The following NFIA variants were observed in gnomAD, a reference collection of about 807,000 sequenced individuals.
NFIA encodes the protein nuclear factor 1 A-type.
In NFIA, 8 loss-of-function variants were observed where a neutral mutation model predicts 62.8. The observed-to-expected ratio is 0.13, with a 90% CI of 0.07 to 0.23. The LOEUF (loss-of-function observed/expected upper bound fraction) is 0.23. NFIA is among the 10% of genes least tolerant of loss of function. The pLI is 1.00. For missense variants in NFIA, 410 were observed against 642.1 expected (o/e 0.64, Z 3.91); for synonymous variants, 235 against 238.1 (o/e 0.99, Z 0.12).
At position 61,461,162 on chromosome 1, in the gene NFIA, A is replaced by G. The variant is rs1298496903; in HGVS notation, c.*5842A>G. On this transcript the variant is annotated 3_prime_UTR_variant, in exon 11 of 11. Transcript: ENST00000403491. Reference sequence around the variant, plus strand: ...CTGAGAACATTTGCAAGTCAGGGGCATTTTCCTTGACCCTTGACTGATGCT... The same window carrying G: ...CTGAGAACATTTGCAAGTCAGGGGCGTTTTCCTTGACCCTTGACTGATGCT... 1 of 152,102 alleles carries G rather than the reference A, an allele frequency of 6.6e-6. No homozygotes were observed. The highest frequency in any genetic ancestry group is 2.4e-5 in the African/African-American group (1 of 41,418). 9.4% of individuals were successfully genotyped at this position (152,102 alleles called of 1,614,324 possible). A position where few individuals can be genotyped will look rare whatever the true frequency, so the allele number is the denominator to read the frequency against.
intron 1 of NFIA, among the ~76,000 whole-genome samples, chr1:61,084,770 T>G (rs1646188810): frequency 6.6e-6 from 1 of 152,126 alleles, no homozygotes; most frequent in Admixed American, 6.5e-5. Flanking sequence ...CACCTGTATA[T>G]CCATGCAGGC....
intron 9 of NFIA, among the ~76,000 whole-genome samples, chr1:61,416,698 A>G (rs1666362898): frequency 6.6e-6 from 1 of 152,180 alleles, no homozygotes; most frequent in Non-Finnish European, 1.5e-5. Context: ...GCATTTTGAT[A>G]GGTATTTTCA....
intron 2 of NFIA, among the ~76,000 whole-genome samples, chr1:61,177,440 A>G (rs1650454056): frequency 6.6e-6 from 1 of 152,172 alleles, no homozygotes; most frequent in Non-Finnish European, 1.5e-5. Context: ...TTGAAAAGTA[A>G]TAGTTGTCTA....
intron 9 of NFIA, among the ~76,000 whole-genome samples, chr1:61,421,095 CCCAGAGGCCCGCTCCATCT>C (rs1464691444): frequency 2.0e-5 from 3 of 152,196 alleles, no homozygotes; most frequent in Non-Finnish European, 4.4e-5. Context: ...CACAGCCCAT[CCCAGAGGCCCGCTCCATCT>C]CCCCTGTAAG....
At chr1:61,226,983 T>C (rs17121833) in intron 2 of NFIA, among the ~76,000 whole-genome samples, 9,750 of 152,256 alleles carry the variant, frequency 0.064, 356 homozygotes, top group Non-Finnish European at 0.071. Context: ...AGTTTTCACT[T>C]ATACAAACTG....
rs11587835 is a variant in NFIA at position 61,352,709 on chromosome 1, C to T, written c.818+142C>T. 0.17 allele frequency: 123,277 copies of T among 713,032 alleles called. 11,956 individuals are homozygous for T. The highest frequency in any genetic ancestry group is 0.2 in the Non-Finnish European group (80,440 of 409,914). 44.2% of individuals were successfully genotyped at this position (713,032 alleles called of 1,614,324 possible). On this transcript the variant is annotated intron_variant, in intron 5 of 10. Transcript: ENST00000403491. The stretch of plus-strand genomic sequence containing the variant: ...AGTGGGTTCAGCCCCAAAAGACTGT[C>T]GGTCTCGTTGGGGAGATAAAGCAAA...
intron 2 of NFIA, among the ~76,000 whole-genome samples, chr1:61,196,742 G>A (rs867720617): frequency 4.6e-5 from 7 of 152,240 alleles, no homozygotes; most frequent in East Asian, 1.9e-4. Context: ...AGCCTGAAAC[G>A]GCTGATGTTA....
intron 5 of NFIA, among the ~76,000 whole-genome samples, chr1:61,356,024 C>A (rs550567771): frequency 2.6e-5 from 4 of 152,262 alleles, no homozygotes; most frequent in African/African-American, 9.6e-5. Context: ...AAATCAAAAC[C>A]TTTAAAAACT....
chr1:61,333,368 C>T (rs1661413214), intron 4 of NFIA, among the ~76,000 whole-genome samples: 1 of 152,164 alleles, frequency 6.6e-6, no homozygotes, highest in Non-Finnish European at 1.5e-5. Flanking sequence ...CACTGTGTTA[C>T]AGGCTTGCAA....
chr1:61,432,644 C>CACATATATATACACAT (rs1308843016), intron 10 of NFIA, among the ~76,000 whole-genome samples: 4 of 98,804 alleles, frequency 4.0e-5, no homozygotes, highest in South Asian at 3.6e-4. Flanking sequence ...TATATATACA[C>CACATATATATACACAT]ATATATATAC....
At chr1:61,141,870 G>C (rs1421610454) in intron 2 of NFIA, among the ~76,000 whole-genome samples, 2 of 152,178 alleles carry the variant, frequency 1.3e-5, no homozygotes, top group Non-Finnish European at 2.9e-5. Context: ...TACAGTTTCT[G>C]CTGACATAAT....
intron 2 of NFIA, among the ~76,000 whole-genome samples, chr1:61,119,316 C>T (rs888919372): frequency 1.3e-5 from 2 of 152,164 alleles, no homozygotes; most frequent in African/African-American, 4.8e-5. Context: ...TTACCAGGTC[C>T]ACATAATTAA....
chr1:61,304,215 G>A (rs1659637054), intron 3 of NFIA, among the ~76,000 whole-genome samples: 1 of 151,968 alleles, frequency 6.6e-6, no homozygotes, highest in African/African-American at 2.4e-5. Flanking sequence ...GGTGGAGGTT[G>A]CAGTGAGCCA....
rs1452815044 is a variant in NFIA at position 61,184,069 on chromosome 1, G to T, written c.560-93451G>T. Reference sequence around the variant, plus strand: ...TGAAATTGAGCCGGAGAAGCAAGTTGTGAGAAATCTGTTTCTACTCAGATC... The same window carrying T: ...TGAAATTGAGCCGGAGAAGCAAGTTTTGAGAAATCTGTTTCTACTCAGATC... On this transcript the variant is annotated intron_variant, in intron 2 of 10. Transcript: ENST00000403491. Among the ~76,000 whole-genome samples the T allele has an allele frequency of 2.1e-5, 3 of 142,858 alleles. No individual in the cohort carries two copies. In the East Asian group the frequency reaches 6.7e-4, roughly 32 times the overall value. 93.7% of individuals were successfully genotyped at this position (142,858 alleles called of 152,430 possible). A position where few individuals can be genotyped will look rare whatever the true frequency, so the allele number is the denominator to read the frequency against.
At chr1:61,288,609 T>A (rs962720725) in intron 3 of NFIA, among the ~76,000 whole-genome samples, 1 of 152,206 alleles carries the variant, frequency 6.6e-6, no homozygotes, top group Non-Finnish European at 1.5e-5. Flanking sequence ...GCCAGTATGT[T>A]AGTTTGGGTC....
At chr1:61,215,892 T>G (rs761984406) in intron 2 of NFIA, among the ~76,000 whole-genome samples, 20 of 152,234 alleles carry the variant, frequency 1.3e-4, no homozygotes, top group South Asian at 2.1e-4. Flanking sequence ...GAACAGCACA[T>G]GAAAGTTTAG....
Position 61,285,439 on chromosome 1 carries a change from A to G in NFIA, c.625+7854A>G, listed in dbSNP as rs1175107169. ...TACCTATTTGTGGATAATATTAGTA[A>G]ACTGAATGTAATATACATAATGTAT... On this transcript the variant is annotated intron_variant, in intron 3 of 10. Transcript: ENST00000403491. Among the ~76,000 whole-genome samples the G allele has an allele frequency of 4.6e-5, 7 of 152,306 alleles. No homozygotes were observed. In the East Asian group the frequency reaches 7.7e-4, roughly 17 times the overall value.
chr1:61,346,195 G>A (rs1231539662), intron 4 of NFIA, among the ~76,000 whole-genome samples: 6 of 152,188 alleles, frequency 3.9e-5, no homozygotes, highest in African/African-American at 4.8e-5. Context: ...TACAAATGGA[G>A]CAAAACTGGA....
At chr1:61,399,349 T>C (rs1489966825) in intron 7 of NFIA, among the ~76,000 whole-genome samples, 2 of 152,226 alleles carry the variant, frequency 1.3e-5, no homozygotes, top group East Asian at 3.8e-4. Context: ...GGATTATATT[T>C]TATTGTTTGT....
Sources: allele counts gnomAD v4.1 joint callset (sites outside exome capture counted in the v4.1 genomes callset), GRCh38; gene constraint gnomAD v4.1.1; transcripts MANE v1.5; gene names NCBI Gene and HGNC (gene_info 2026-07-23, HGNC 2026-07-21).